Variants in RBFOX2 observed in about 807,000 individuals in gnomAD.
RBFOX2 encodes the protein RNA binding fox-1 homolog 2.
Under a neutral mutation model 49.1 loss-of-function variants are expected in RBFOX2, and 10 were observed. That is an observed-to-expected ratio of 0.20 (90% CI 0.13 to 0.35). The LOEUF (loss-of-function observed/expected upper bound fraction) is 0.35, where lower values mean the gene tolerates loss of function less well. RBFOX2 is among the 10% of genes least tolerant of loss of function. RBFOX2 has a pLI of 1.00. For synonymous variants in RBFOX2, 183 were observed against 187.4 expected (o/e 0.98, Z 0.19); for missense variants, 323 against 486.9 (o/e 0.66, Z 3.17).
intron 1 of RBFOX2, chr22:35,822,935 T>G: frequency 2.9e-6 from 1 of 345,636 alleles, no homozygotes; most frequent in Non-Finnish European, 5.5e-6. Flanking sequence ...GTGATTCTCC[T>G]GCCTCAGCCT....
At chr22:35,885,189 C>T (rs530822314) in intron 1 of RBFOX2, among the ~76,000 whole-genome samples, 1 of 151,894 alleles carries the variant, frequency 6.6e-6, no homozygotes, top group Non-Finnish European at 1.5e-5. Context: ...CAGAGGAGAA[C>T]ACAGACACAG....
intron 1 of RBFOX2, among the ~76,000 whole-genome samples, chr22:35,948,277 C>CA (rs1215314311): frequency 6.6e-6 from 1 of 152,214 alleles, no homozygotes; most frequent in Non-Finnish European, 1.5e-5. Context: ...CTGCTGTCAT[C>CA]AATTCCTGTT....
chr22:35,936,628 G>C (rs780367233), intron 1 of RBFOX2, among the ~76,000 whole-genome samples: 3 of 152,156 alleles, frequency 2.0e-5, no homozygotes, highest in Non-Finnish European at 4.4e-5. Context: ...CCATCAGAAT[G>C]TGCCTCAAAG....
intron 1 of RBFOX2, among the ~76,000 whole-genome samples, chr22:35,885,988 C>G (rs2046526570): frequency 6.6e-6 from 1 of 150,824 alleles, no homozygotes; most frequent in African/African-American, 2.4e-5. Context: ...TCCTGAGTAG[C>G]TGGAACTACA....
intron 1 of RBFOX2, among the ~76,000 whole-genome samples, chr22:35,864,825 T>C (rs888842429): frequency 1.9e-4 from 29 of 152,244 alleles, no homozygotes; most frequent in East Asian, 3.8e-4. Flanking sequence ...AGTGTCTCCA[T>C]TGCAATTAAT....
chr22:35,839,572 C>T (rs1160030571), intron 1 of RBFOX2, among the ~76,000 whole-genome samples: 3 of 152,230 alleles, frequency 2.0e-5, no homozygotes, highest in African/African-American at 7.2e-5. Context: ...GTGATTTATA[C>T]ATTCAGATTC....
chr22:35,789,311 G>C (rs567958375), intron 2 of RBFOX2, among the ~76,000 whole-genome samples: 1 of 152,294 alleles, frequency 6.6e-6, no homozygotes, highest in African/African-American at 2.4e-5. Context: ...GGGAGGCTGA[G>C]GTGGGTGGAT....
At chr22:35,800,633 T>C (rs989398961) in intron 2 of RBFOX2, among the ~76,000 whole-genome samples, 8 of 152,114 alleles carry the variant, frequency 5.3e-5, no homozygotes, top group Admixed American at 2.6e-4. Context: ...CCCAGATCAA[T>C]GCTGTATTCA....
At chr22:35,883,791 A>C (rs2046231837) in intron 1 of RBFOX2, among the ~76,000 whole-genome samples, 1 of 152,138 alleles carries the variant, frequency 6.6e-6, no homozygotes, top group South Asian at 2.1e-4. Flanking sequence ...TTCTACCACT[A>C]CATAACAAGG....
intron 1 of RBFOX2, among the ~76,000 whole-genome samples, chr22:36,025,099 C>T (rs536107710): frequency 2.0e-5 from 3 of 152,312 alleles, no homozygotes; most frequent in Non-Finnish European, 4.4e-5. Context: ...TGAGCCACTG[C>T]GCCCGGCTAA....
chr22:35,831,074 C>T (rs1480114386), intron 1 of RBFOX2, among the ~76,000 whole-genome samples: 1 of 152,176 alleles, frequency 6.6e-6, no homozygotes, highest in Non-Finnish European at 1.5e-5. Flanking sequence ...GATCAGCAAA[C>T]TATAGCTTGT....
intron 1 of RBFOX2, among the ~76,000 whole-genome samples, chr22:35,890,949 T>C (rs924068647): frequency 1.3e-5 from 2 of 152,090 alleles, no homozygotes; most frequent in Non-Finnish European, 2.9e-5. Flanking sequence ...TTTCCTCACC[T>C]GTACAATAGG....
chr22:35,798,388 T>C (rs2147792388), intron 2 of RBFOX2, among the ~76,000 whole-genome samples: 1 of 152,364 alleles, frequency 6.6e-6, no homozygotes, highest in East Asian at 1.9e-4. Context: ...CAAGTATATA[T>C]AAAACAGTTG....
intron 1 of RBFOX2, among the ~76,000 whole-genome samples, chr22:35,917,603 A>G (rs1170004915): frequency 1.3e-5 from 2 of 152,176 alleles, no homozygotes; most frequent in African/African-American, 4.8e-5. Context: ...GCAAATAGAC[A>G]TGGGGCTCTC....
In RBFOX2 at chr22:35,814,460, G is replaced by C. The variant is rs546327387; in HGVS notation, c.28-4456C>G. 7.9e-5 allele frequency among the ~76,000 whole-genome samples: 12 copies of C among 152,110 alleles called. No individual in the cohort carries two copies. The East Asian group carries it at 2.3e-3, about 29-fold the overall frequency. ...ATGGTGGCTCATGCCTGTAATTCCA[G>C]ATCTTTGGGAGGCTGAGGAGGGAGG... On this transcript the variant is annotated intron_variant, in intron 1 of 11. Coordinates refer to ENST00000405409, the Ensembl canonical transcript of RBFOX2.
At chr22:35,821,567 A>C (rs988837433) in intron 1 of RBFOX2, among the ~76,000 whole-genome samples, 1 of 127,602 alleles carries the variant, frequency 7.8e-6, no homozygotes, top group Non-Finnish European at 1.6e-5. Context: ...GCGCCACTGC[A>C]CTCCAGCCTG....
intron 1 of RBFOX2, among the ~76,000 whole-genome samples, chr22:35,885,883 G>A (rs2046507645): frequency 9.4e-6 from 1 of 106,366 alleles, no homozygotes; most frequent in Admixed American, 1.3e-4. Flanking sequence ...TTGAGACAGA[G>A]TCTCACTCTG....
chr22:36,010,570 T>C (rs2058779391), intron 1 of RBFOX2, among the ~76,000 whole-genome samples: 1 of 152,036 alleles, frequency 6.6e-6, no homozygotes, highest in South Asian at 2.1e-4. Flanking sequence ...TTCTATAATA[T>C]TCTCACGGAG....
chr22:35,795,675 A>G (rs567355630), intron 2 of RBFOX2, among the ~76,000 whole-genome samples: 48 of 151,816 alleles, frequency 3.2e-4, no homozygotes, highest in African/African-American at 1.0e-3. Flanking sequence ...ATAATGGTCA[A>G]CAGGGGCTTT....
Sources: gnomAD v4.1 joint callset for allele counts (sites outside exome capture counted in the v4.1 genomes callset) on GRCh38, gnomAD v4.1.1 for gene constraint, MANE v1.5 for transcripts, NCBI Gene and HGNC (gene_info 2026-07-23, HGNC 2026-07-21) for gene names.